The following BNC1 variants were observed in gnomAD, a reference collection of about 807,000 sequenced individuals.
BNC1 encodes basonuclin zinc finger protein 1, also known as zinc finger protein basonuclin-1.
BNC1 carries 8 observed loss-of-function variants against 66.5 expected under a neutral mutation model. That is an observed-to-expected ratio of 0.12 (90% CI 0.07 to 0.22). The LOEUF (loss-of-function observed/expected upper bound fraction) is 0.22, where lower values mean the gene tolerates loss of function less well. Ranked by LOEUF, BNC1 falls within the 10% of genes least tolerant of loss-of-function variation. The pLI, the probability that BNC1 is intolerant of heterozygous loss-of-function variation, is 1.00. For missense variants in BNC1, 1,069 were observed against 1,241.3 expected (o/e 0.86, Z 2.09); for synonymous variants, 454 against 452.6 (o/e 1.00, Z -0.04).
intron 2 of BNC1, among the ~76,000 whole-genome samples, chr15:83,267,919 C>T (rs1448034549): frequency 1.3e-5 from 2 of 152,150 alleles, no homozygotes; most frequent in African/African-American, 2.4e-5. Context: ...GCACTAGTTT[C>T]TACATCTTTA....
At chr15:83,268,671 C>T (rs577982295) in intron 1 of BNC1, among the ~76,000 whole-genome samples, 30 of 152,196 alleles carry the variant, frequency 2.0e-4, no homozygotes, top group Admixed American at 1.1e-3. Context: ...AAATTTATTT[C>T]CCCCCACCCA....
rs747870739 is a variant in BNC1, at chr15:83,264,021, G to T, written c.1230C>A (p.Asn410Lys). 6.2e-7 allele frequency: 1 copy of T among 1,614,204 alleles called. No homozygotes were observed. Among genetic ancestry groups the T allele is most frequent in the East Asian group, 2.2e-5 (1 of 44,872 alleles). The change falls in exon 4 of 5, where the codon AAC (asparagine) becomes AAA (lysine). Residue 410 changes from asparagine to lysine, a missense_variant. By Grantham distance (94) the Asn-to-Lys change is moderately conservative. This residue lies in a region of BNC1 where 82 missense variants were observed against 136.3 expected (regional missense o/e 0.60). Transcript: ENST00000345382. ...TGTTCATTGGCATGTGCAGCCGAGGGTTGGGGTTGGCGCTATGGCGATTCC... is the reference window on the plus strand; with the variant it reads ...TGTTCATTGGCATGTGCAGCCGAGGTTTGGGGTTGGCGCTATGGCGATTCC... ...RSRNRHSANP[N>K]PRLHMPMNRN... is the part of the protein sequence containing the mutation.
chr15:83,275,542 G>A (rs1015210288), intron 1 of BNC1, among the ~76,000 whole-genome samples: 2 of 152,018 alleles, frequency 1.3e-5, no homozygotes, highest in Non-Finnish European at 1.5e-5. Flanking sequence ...GATTTAACTG[G>A]GTGGCATGGA....
At chr15:83,259,075 T>G (rs1350355393) in intron 4 of BNC1, among the ~76,000 whole-genome samples, 2 of 152,218 alleles carry the variant, frequency 1.3e-5, no homozygotes, top group African/African-American at 4.8e-5. Flanking sequence ...GTTTTGCAAA[T>G]GCAGCAGAAT....
At chr15:83,275,192 C>T (rs900214475) in intron 1 of BNC1, among the ~76,000 whole-genome samples, 1 of 152,104 alleles carries the variant, frequency 6.6e-6, no homozygotes, top group African/African-American at 2.4e-5. Context: ...CAGAATAAGG[C>T]AAGTGTTATG....
At chr15:83,260,139 T>C (rs951017006) in intron 4 of BNC1, among the ~76,000 whole-genome samples, 1 of 152,182 alleles carries the variant, frequency 6.6e-6, no homozygotes, top group Non-Finnish European at 1.5e-5. Context: ...TCACTTTCAT[T>C]GTCTCATGAG....
intron 1 of BNC1, among the ~76,000 whole-genome samples, chr15:83,270,763 C>G (rs1054244609): frequency 3.9e-5 from 6 of 152,188 alleles, no homozygotes; most frequent in African/African-American, 1.2e-4. Flanking sequence ...TTTGCATACA[C>G]TTTCTCCCAT....
intron 1 of BNC1, chr15:83,283,436 C>T: frequency 1.6e-6 from 2 of 1,243,274 alleles, no homozygotes; most frequent in Non-Finnish European, 2.0e-6. Flanking sequence ...CGCCGCCGCC[C>T]GGCTCCCAGC....
intron 1 of BNC1, among the ~76,000 whole-genome samples, chr15:83,278,539 C>T (rs1308417019): frequency 6.6e-6 from 1 of 152,064 alleles, no homozygotes; most frequent in Admixed American, 6.5e-5. Context: ...GCTAGGAAAC[C>T]AACTAACTAT....
At chr15:83,283,215 G>A (rs1468521241) in intron 1 of BNC1, 3 of 1,535,598 alleles carry the variant, frequency 2.0e-6, no homozygotes, top group Non-Finnish European at 2.6e-6. Context: ...CACCGCATTT[G>A]TGAAAGTTTG....
intron 1 of BNC1, among the ~76,000 whole-genome samples, chr15:83,268,824 C>T (rs2038242271): frequency 6.6e-6 from 1 of 152,196 alleles, no homozygotes; most frequent in South Asian, 2.1e-4. Flanking sequence ...TGCATCAATG[C>T]CCCTTGCATG....
At chr15:83,284,322 C>T (rs1282006403) in intron 1 of BNC1, among the ~76,000 whole-genome samples, 1 of 151,802 alleles carries the variant, frequency 6.6e-6, no homozygotes, top group African/African-American at 2.4e-5. Context: ...GGGACGGGTC[C>T]CAGAGCCCCA....
At chr15:83,283,178 G>T in intron 1 of BNC1, 4 of 1,535,664 alleles carry the variant, frequency 2.6e-6, no homozygotes, top group Non-Finnish European at 3.5e-6. Context: ...ACAAAGAGAT[G>T]CCTTAAATGA....
Position 83,257,874 on chromosome 15 carries a change from G to A in BNC1, c.2553C>T (p.Ser851=), listed in dbSNP as rs143179341. 79 of 1,614,006 alleles carry A rather than the reference G, an allele frequency of 4.9e-5. No homozygotes were observed. Among genetic ancestry groups the A allele is most frequent in the Middle Eastern group, 1.6e-4 (1 of 6,062 alleles). The change falls in exon 5 of 5, where the codon AGC becomes AGT. Residue 851 remains serine (S), a synonymous_variant. Coordinates refer to ENST00000345382, the MANE Select transcript of BNC1 (RefSeq NM_001717.4). Reference sequence around the variant, plus strand: ...TGCTCAAATCCAGGATGGTGCCCTCGCTCAAGGGGCCAGAGTTGTAGCTCT... The same window carrying A: ...TGCTCAAATCCAGGATGGTGCCCTCACTCAAGGGGCCAGAGTTGTAGCTCT... ...SLESYNSGPL[S]EGTILDLSTT... is the part of the protein sequence containing the mutation.
intron 1 of BNC1, chr15:83,283,187 G>T: frequency 6.5e-7 from 1 of 1,535,708 alleles, no homozygotes; most frequent in Non-Finnish European, 8.7e-7. Flanking sequence ...TGCCTTAAAT[G>T]AGAAGAACAT....
At position 83,257,735 on chromosome 15, in the gene BNC1, T is replaced by G; in HGVS notation, c.2692A>C (p.Ser898Arg). 2.5e-6 allele frequency: 4 copies of G among 1,614,130 alleles called. No individual in the cohort carries two copies. The highest frequency in any genetic ancestry group is 2.5e-6 in the Non-Finnish European group (3 of 1,180,008). ...TACTCATCTTCCCCAGGGACAAGGC[T>G]CGACCCTTCACAGTTCCCATCACTG... ...EDSDGNCEGS[S>R]LVPGEDEYPI... Residue 898 changes from serine (S) to arginine (R), a missense_variant, in exon 5 of 5, where the codon AGC becomes CGC. Physicochemically the swap from Ser to Arg is moderately radical, Grantham distance 110 (BLOSUM62 -1). Transcript: ENST00000345382.
chr15:83,284,557 C>A lies in BNC1; in HGVS notation c.72G>T (p.Arg24=). 9.1e-7 allele frequency: 1 copy of A among 1,103,404 alleles called. No homozygotes were observed. Among genetic ancestry groups the A allele is most frequent in the Non-Finnish European group, 1.1e-6 (1 of 906,346 alleles). The allele number at this position is 1,103,404 out of a possible 1,614,324, so 68.4% of individuals were successfully genotyped here. The change falls in exon 1 of 5, where the codon CGG becomes CGT. Residue 24 remains arginine, a synonymous_variant. Coordinates refer to ENST00000345382, the MANE Select transcript of BNC1 (RefSeq NM_001717.4). ...CGGCCATCCTGCGACCGCTGCGGTG[C>A]CGGGGCTGCCGGCGCGTCTCCCGGG... ...ARARETRRQP[R]HRSGRRMAEA... is the part of the protein sequence containing the mutation.
chr15:83,259,933 C>T (rs2151434355), intron 4 of BNC1, among the ~76,000 whole-genome samples: 1 of 152,240 alleles, frequency 6.6e-6, no homozygotes, highest in East Asian at 1.9e-4. Flanking sequence ...GTACTCACTG[C>T]CCATGTCTCC....
At chr15:83,267,104 A>C (rs546354015) in intron 2 of BNC1, 33 bp from the exon 3 acceptor site, 2 of 1,558,466 alleles carry the variant, frequency 1.3e-6, no homozygotes, top group Non-Finnish European at 1.8e-6. Context: ...TGTCATTTTG[A>C]AAAGTTCTAA....
Sources: allele counts gnomAD v4.1 joint callset (sites outside exome capture counted in the v4.1 genomes callset), GRCh38; gene constraint gnomAD v4.1.1; regional missense constraint gnomAD v4.1.1; transcripts MANE v1.5; gene names NCBI Gene and HGNC (gene_info 2026-07-23, HGNC 2026-07-21).